MKX: variants seen among roughly 807,000 people sequenced by gnomAD.
MKX encodes mohawk homeobox, also known as homeobox protein Mohawk.
In MKX, 13 loss-of-function variants were observed where a neutral mutation model predicts 36.0. That is an observed-to-expected ratio of 0.36 (90% confidence interval 0.24 to 0.57). The LOEUF (loss-of-function observed/expected upper bound fraction) is 0.57, where lower values mean the gene tolerates loss of function less well. Among genes scored for constraint, MKX ranks in the 20% least tolerant of loss-of-function variants. The pLI is 0.79. For missense variants in MKX, 458 were observed against 456.4 expected, an observed-to-expected ratio of 1.00 and a Z score of -0.03; for synonymous variants, 176 against 178.3, an observed-to-expected ratio of 0.99 and a Z score of 0.10.
intron 1 of MKX, chr10:27,745,083 A>G (rs139786724): frequency 6.6e-6 from 1 of 151,928 alleles, no homozygotes; most frequent in Non-Finnish European, 1.5e-5. Flanking sequence ...ATGTGTGTTC[A>G]TGCTGCTTTA....
chr10:27,691,697 G>T (rs1252505176), intron 5 of MKX, among the ~76,000 whole-genome samples: 1 of 152,134 alleles, frequency 6.6e-6, no homozygotes, highest in African/African-American at 2.4e-5. Flanking sequence ...TTTAGCTTTT[G>T]CTCTCCCTCT....
intron 1 of MKX, among the ~76,000 whole-genome samples, chr10:27,743,879 G>C (rs1834982579): frequency 6.6e-6 from 1 of 152,214 alleles, no homozygotes; most frequent in Non-Finnish European, 1.5e-5. Context: ...GGCCGCGCGT[G>C]GTTCTTCAAT....
At chr10:27,729,509 A>G (rs148900684) in intron 5 of MKX, among the ~76,000 whole-genome samples, 233 of 151,942 alleles carry the variant, frequency 1.5e-3, no homozygotes, top group Non-Finnish European at 2.6e-3. Context: ...GTTTCACTGT[A>G]TTGACTAGAC....
intron 5 of MKX, among the ~76,000 whole-genome samples, chr10:27,711,499 T>TTTCCTTCCTTCC (rs58561142): frequency 2.1e-5 from 2 of 93,074 alleles, no homozygotes; most frequent in African/African-American, 1.0e-4. Context: ...CTCTCTCTTC[T>TTTCCTTCCTTCC]TTCCTTCCTT....
At chr10:27,677,943 ATACCTCTGCTACT>A (rs1277253785) in intron 5 of MKX, among the ~76,000 whole-genome samples, 1 of 152,222 alleles carries the variant, frequency 6.6e-6, no homozygotes, top group Non-Finnish European at 1.5e-5. Context: ...ATGCTTAGCT[ATACCTCTGCTACT>A]TTCCATAATT....
In MKX at chr10:27,678,184, T is replaced by C. The variant is rs575117954; in HGVS notation, c.839-2630A>G. Among the ~76,000 whole-genome samples the C allele has an allele frequency of 2.6e-5, 4 of 152,284 alleles. No individual in the cohort carries two copies. The East Asian group carries it at 5.8e-4, about 22-fold the overall frequency. ...TTTTATTGAGTTCTATTCTCCTATCTGTAAATCTTCACTCAGTAAGGACAG... is the reference window on the plus strand; with the variant it reads ...TTTTATTGAGTTCTATTCTCCTATCCGTAAATCTTCACTCAGTAAGGACAG... On this transcript the variant is annotated intron_variant, in intron 5 of 6. Transcript: ENST00000419761.
In MKX at chr10:27,694,527, A is replaced by AAATATAT. The variant is rs547670335; in HGVS notation, c.839-18974_839-18973insATATATT. 5.4e-3 allele frequency among the ~76,000 whole-genome samples: 615 copies of AAATATAT among 114,290 alleles called. 1 individual carries two copies. The highest frequency in any genetic ancestry group is 0.017 in the East Asian group (66 of 3,992). The allele number at this position is 114,290 out of a possible 152,430, so 75.0% of individuals were successfully genotyped here. A position where few individuals can be genotyped will look rare whatever the true frequency, so the allele number is the denominator to read the frequency against. ...AACCCCGTCTCTACTAAAAAAAAAA[A>AAATATAT]ATATATATATATATATAAATTAGCC... On this transcript the variant is annotated intron_variant, in intron 5 of 6. Transcript: ENST00000419761.
intron 5 of MKX, among the ~76,000 whole-genome samples, chr10:27,676,887 C>T (rs1006412934): frequency 6.6e-6 from 1 of 152,180 alleles, no homozygotes. Context: ...CTTCTGCACT[C>T]ACATCTTTGG....
chr10:27,740,815 C>T (rs1226563207), intron 3 of MKX, among the ~76,000 whole-genome samples: 1 of 152,100 alleles, frequency 6.6e-6, no homozygotes, highest in Non-Finnish European at 1.5e-5. Flanking sequence ...ATCCAAACAT[C>T]ATTTCTTGTC....
intron 5 of MKX, among the ~76,000 whole-genome samples, chr10:27,713,048 G>A (rs1397171026): frequency 1.3e-5 from 2 of 152,296 alleles, no homozygotes; most frequent in African/African-American, 4.8e-5. Flanking sequence ...TTCCGAGAGT[G>A]GGGATCTTCT....
intron 5 of MKX, among the ~76,000 whole-genome samples, chr10:27,732,500 T>C (rs1345580180): frequency 6.6e-6 from 1 of 152,220 alleles, no homozygotes; most frequent in African/African-American, 2.4e-5. Context: ...GATTGTTGTT[T>C]CTTTCCTTTG....
intron 5 of MKX, among the ~76,000 whole-genome samples, chr10:27,677,066 C>T (rs1052468751): frequency 4.6e-5 from 7 of 152,142 alleles, no homozygotes; most frequent in Non-Finnish European, 8.8e-5. Flanking sequence ...AGAGAGGCTA[C>T]TGGCATGGCA....
At chr10:27,734,135 A>G (rs755396035) in intron 5 of MKX, among the ~76,000 whole-genome samples, 3 of 151,814 alleles carry the variant, frequency 2.0e-5, no homozygotes, top group African/African-American at 4.9e-5. Flanking sequence ...ATTATTATAA[A>G]GAATGAAAAT....
intron 5 of MKX, among the ~76,000 whole-genome samples, chr10:27,723,678 G>C (rs1433476886): frequency 6.6e-6 from 1 of 152,178 alleles, no homozygotes; most frequent in East Asian, 1.9e-4. Flanking sequence ...TTGCCAGATA[G>C]CCATCCTCTT....
In MKX at chr10:27,743,285, C is replaced by T; in HGVS notation, c.131G>A (p.Gly44Asp). The part of the protein sequence containing the change: ...LDSPHARPEV[G>D]IPDGPPLKDN... ...CTTGAGGGGCGGGCCGTCGGGAATG[C>T]CCACCTCGGGGCGGGCGTGAGGACT... Residue 44 changes from glycine (G) to aspartate (D), a missense_variant, in exon 2 of 7, where the codon GGC becomes GAC. Physicochemically the swap from Gly to Asp is moderately conservative, Grantham distance 94. This residue lies in a region of MKX where 149 missense variants were observed against 114.3 expected (regional missense o/e 1.30). Transcript: ENST00000419761. 6.4e-7 allele frequency: 1 copy of T among 1,553,114 alleles called. No homozygotes were observed. Among genetic ancestry groups the T allele is most frequent in the Admixed American group, 2.1e-5 (1 of 48,568 alleles).
At chr10:27,693,202 G>T (rs910072055) in intron 5 of MKX, among the ~76,000 whole-genome samples, 3 of 152,164 alleles carry the variant, frequency 2.0e-5, no homozygotes, top group Admixed American at 2.0e-4. Flanking sequence ...GCTGAGAGAT[G>T]AGCTGGGCTT....
rs1316675455 is a variant in MKX at position 27,673,808 on chromosome 10, T to C, written c.*1421A>G. On this transcript the variant is annotated 3_prime_UTR_variant, in exon 7 of 7. Coordinates refer to ENST00000419761, the MANE Select transcript of MKX (RefSeq NM_173576.3). Reference sequence around the variant, plus strand: ...TTGGTTTTAAAAGCATTTTGCAAAATAAAGAAAAATGTCACCACTGGCTGC... The same window carrying C: ...TTGGTTTTAAAAGCATTTTGCAAAACAAAGAAAAATGTCACCACTGGCTGC... The C allele has an allele frequency of 1.3e-5, 2 of 151,806 alleles. No homozygotes were observed. The highest frequency in any genetic ancestry group is 2.9e-5 in the Non-Finnish European group (2 of 67,848). The allele number at this position is 151,806 out of a possible 1,614,324, so 9.4% of individuals were successfully genotyped here.
Position 27,675,148 on chromosome 10 carries a change from C to A in MKX, c.*81G>T. On this transcript the variant is annotated 3_prime_UTR_variant, in exon 7 of 7. Coordinates refer to ENST00000419761, the MANE Select transcript of MKX (RefSeq NM_173576.3). ...AAGAGGTTTGGGAGAGAGTCATTTT[C>A]ATCCCTGCTTCGGCTCTTAGGATGA... The A allele has an allele frequency of 7.3e-7, 1 of 1,364,528 alleles. No homozygotes were observed. Among genetic ancestry groups the A allele is most frequent in the Non-Finnish European group, 1.0e-6 (1 of 995,728 alleles). The allele number at this position is 1,364,528 out of a possible 1,614,324, so 84.5% of individuals were successfully genotyped here. A position where few individuals can be genotyped will look rare whatever the true frequency, so the allele number is the denominator to read the frequency against.
chr10:27,727,270 A>G (rs778944330), intron 5 of MKX, among the ~76,000 whole-genome samples: 1 of 152,256 alleles, frequency 6.6e-6, no homozygotes. Context: ...ATCTATCTAC[A>G]CGTAGGATTT....
Sources: gnomAD v4.1 joint callset for allele counts (sites outside exome capture counted in the v4.1 genomes callset) on GRCh38, gnomAD v4.1.1 for gene constraint, gnomAD v4.1.1 regional missense constraint, MANE v1.5 for transcripts, NCBI Gene and HGNC (gene_info 2026-07-23, HGNC 2026-07-21) for gene names.